RDH12: variants seen among roughly 807,000 people sequenced by gnomAD.
RDH12 encodes retinol dehydrogenase 12.
A neutral mutation model predicts 34.0 loss-of-function variants in RDH12; 21 were observed. The ratio of observed to expected loss-of-function variants is 0.62; its 90% CI spans 0.44 to 0.89. RDH12 has a LOEUF of 0.89. Ranked by LOEUF, RDH12 falls within the 40% of genes least tolerant of loss-of-function variation. The pLI is 0.00. For synonymous variants in RDH12, 198 were observed against 169.9 expected (o/e 1.17, Z -1.29); for missense variants, 394 against 398.6 (o/e 0.99, Z 0.10).
At chr14:67,726,582 G>A (rs925823027) in intron 6 of RDH12, among the ~76,000 whole-genome samples, 2 of 152,156 alleles carry the variant, frequency 1.3e-5, no homozygotes, top group Non-Finnish European at 2.9e-5. Context: ...CAGCGTTCAA[G>A]GCAAAGACTT....
chr14:67,704,563 G>A (rs750910170), intron 1 of RDH12, among the ~76,000 whole-genome samples: 3 of 152,136 alleles, frequency 2.0e-5, no homozygotes, highest in Non-Finnish European at 2.9e-5. Context: ...TGGAAGGATG[G>A]TAAGTATTAT....
At chr14:67,711,478 G>A (rs1179413896) in intron 1 of RDH12, among the ~76,000 whole-genome samples, 1 of 152,084 alleles carries the variant, frequency 6.6e-6, no homozygotes, top group Non-Finnish European at 1.5e-5. Context: ...GATTTGACTA[G>A]TCTTCCTTTT....
chr14:67,710,141 T>G (rs1594859579), intron 1 of RDH12, among the ~76,000 whole-genome samples: 1 of 152,268 alleles, frequency 6.6e-6, no homozygotes, highest in East Asian at 1.9e-4. Context: ...ATGTCTCATG[T>G]CTCCCTAAAT....
chr14:67,723,129 A>AAAC (rs1044766666), intron 3 of RDH12, among the ~76,000 whole-genome samples: 1 of 152,238 alleles, frequency 6.6e-6, no homozygotes, highest in African/African-American at 2.4e-5. Flanking sequence ...TTTGGGAAAG[A>AAAC]AACAAACTCT....
At chr14:67,732,985 C>T (rs953260411) in intron 8 of RDH12, among the ~76,000 whole-genome samples, 5 of 151,904 alleles carry the variant, frequency 3.3e-5, no homozygotes, top group South Asian at 2.1e-4. Flanking sequence ...ATGGGGGGAG[C>T]GGGGAGGGAT....
intron 1 of RDH12, among the ~76,000 whole-genome samples, chr14:67,704,248 A>G (rs969933444): frequency 3.3e-5 from 5 of 152,178 alleles, no homozygotes; most frequent in Non-Finnish European, 7.3e-5. Context: ...ACGGGGGTAG[A>G]AGGAGGAGGA....
At position 67,722,672 on chromosome 14, in the gene RDH12, C is replaced by T. The variant is rs2140138063; in HGVS notation, c.30C>T (p.Ser10=). The T allele has an allele frequency of 6.2e-7, 1 of 1,613,984 alleles. No homozygotes were observed. Among genetic ancestry groups the T allele is most frequent in the Non-Finnish European group, 8.5e-7 (1 of 1,179,858 alleles). Residue 10 remains serine (S), a synonymous_variant, in exon 3 of 9, where the codon TCC becomes TCT. Transcript: ENST00000551171. MLVTLGLLT[S]FFSFLYMVAP... Reference sequence around the variant, plus strand: ...TGGTCACCTTGGGACTGCTCACCTCCTTCTTCTCGTTCCTGTATATGGTAG... The same window carrying T: ...TGGTCACCTTGGGACTGCTCACCTCTTTCTTCTCGTTCCTGTATATGGTAG...
intron 1 of RDH12, among the ~76,000 whole-genome samples, chr14:67,707,898 A>G (rs1424832903): frequency 6.7e-6 from 1 of 148,806 alleles, no homozygotes; most frequent in Non-Finnish European, 1.5e-5. Flanking sequence ...AGATAAAGGT[A>G]AGAGGCCAAT....
intron 7 of RDH12, chr14:67,727,484 T>TG: frequency 5.8e-6 from 2 of 345,428 alleles, no homozygotes; most frequent in Non-Finnish European, 5.5e-6. Context: ...TTGTTTTTTT[T>TG]GTTTTTTTTT....
At chr14:67,722,828 G>A in intron 3 of RDH12, 118 bp downstream of exon 3, 1 of 880,686 alleles carries the variant, frequency 1.1e-6, no homozygotes, top group African/African-American at 1.6e-5. Context: ...AGTCAGGGCA[G>A]GAAAAGCAGG....
At chr14:67,707,343 T>G (rs995351967) in intron 1 of RDH12, among the ~76,000 whole-genome samples, 6 of 152,252 alleles carry the variant, frequency 3.9e-5, no homozygotes, top group African/African-American at 1.4e-4. Flanking sequence ...CTCTCTCCAG[T>G]TTCCCATTTT....
At chr14:67,727,403 T>C (rs2038201191) in intron 7 of RDH12, 2 of 569,806 alleles carry the variant, frequency 3.5e-6, no homozygotes, top group Non-Finnish European at 6.3e-6. Flanking sequence ...AGTTACCTTG[T>C]ATTTGTGTCA....
rs1489214102 is a variant in RDH12, at chr14:67,727,480, T to TG, written c.658+290_658+291insG. ...TGCAACAGACAGAGGCTTTTTGTTT[T>TG]TTTTGTTTTTTTTTTTTTGAGACTT... On this transcript the variant is annotated intron_variant, in intron 7 of 8. Coordinates refer to ENST00000551171, the MANE Select transcript of RDH12 (RefSeq NM_152443.3). 119 of 347,688 alleles carry TG rather than the reference T, an allele frequency of 3.4e-4. 1 individual carries two copies. The highest frequency in any genetic ancestry group is 2.2e-3 in the African/African-American group (105 of 46,946). The allele number at this position is 347,688 out of a possible 1,614,324, so 21.5% of individuals were successfully genotyped here.
Position 67,725,194 on chromosome 14 carries a change from C to G in RDH12, c.283C>G (p.Arg95Gly). The G allele has an allele frequency of 6.2e-7, 1 of 1,614,082 alleles. No homozygotes were observed. Residue 95 changes from arginine (R) to glycine (G), a missense_variant, in exon 5 of 9, where the codon CGG becomes GGG. Arg to Gly is a moderately radical substitution (Grantham distance 125). Transcript: ENST00000551171. ...TACAAAGAACTCCCAGGTGCTGGTGCGGAAATTGGACCTATCCGACACCAA... is the reference window on the plus strand; with the variant it reads ...TACAAAGAACTCCCAGGTGCTGGTGGGGAAATTGGACCTATCCGACACCAA... ...VDTKNSQVLV[R>G]KLDLSDTKSI... is the part of the protein sequence containing the mutation.
intron 7 of RDH12, 32 bp downstream of exon 7, chr14:67,727,222 G>T: frequency 6.3e-7 from 1 of 1,576,624 alleles, no homozygotes; most frequent in South Asian, 1.1e-5. Context: ...TAGCAAAAAT[G>T]GTCCTCAGAC....
chr14:67,712,493 CAAAAAA>C (rs79758974), intron 1 of RDH12, among the ~76,000 whole-genome samples: 379 of 38,940 alleles, frequency 9.7e-3, no homozygotes, highest in East Asian at 0.018. Context: ...AAAAAACTTG[CAAAAAA>C]AAAAAAAAAA....
intron 3 of RDH12, among the ~76,000 whole-genome samples, chr14:67,722,916 T>C (rs575241450): frequency 1.2e-4 from 19 of 152,298 alleles, no homozygotes; most frequent in Non-Finnish European, 1.0e-4. Context: ...GGGGCTGAGT[T>C]CTGGCCCCAC....
At chr14:67,711,144 G>A (rs2038005102) in intron 1 of RDH12, among the ~76,000 whole-genome samples, 1 of 152,120 alleles carries the variant, frequency 6.6e-6, no homozygotes, top group African/African-American at 2.4e-5. Flanking sequence ...ACCACCTAAA[G>A]CCACAAAATT....
At position 67,727,094 on chromosome 14, in the gene RDH12, C is replaced by T; in HGVS notation, c.562C>T (p.Leu188Phe). 1.2e-6 allele frequency: 2 copies of T among 1,614,210 alleles called. No homozygotes were observed. Among genetic ancestry groups the T allele is most frequent in the Non-Finnish European group, 1.7e-6 (2 of 1,180,046 alleles). ...CATTGGCAAGATTCCCTTCCACGAC[C>T]TCCAGAGCGAGAAGCGCTACAGCAG... ...HHIGKIPFHD[L>F]QSEKRYSRGF... The change falls in exon 7 of 9, where the codon CTC (leucine) becomes TTC (phenylalanine). Residue 188 changes from leucine (L) to phenylalanine (F), a missense_variant. Coordinates refer to ENST00000551171, the MANE Select transcript of RDH12 (RefSeq NM_152443.3).
Sources: gnomAD v4.1 joint callset for allele counts (sites outside exome capture counted in the v4.1 genomes callset) on GRCh38, gnomAD v4.1.1 for gene constraint, MANE v1.5 for transcripts, NCBI Gene and HGNC (gene_info 2026-07-23, HGNC 2026-07-21) for gene names.